RANBP2: variants seen among roughly 807,000 people sequenced by gnomAD.
RANBP2 encodes the protein E3 SUMO-protein ligase RanBP2.
Under a neutral mutation model 303.6 loss-of-function variants are expected in RANBP2, and 57 were observed. The ratio of observed to expected loss-of-function variants is 0.19; its 90% confidence interval spans 0.15 to 0.23. The LOEUF (loss-of-function observed/expected upper bound fraction) is 0.23. Ranked by LOEUF, RANBP2 falls within the 10% of genes least tolerant of loss-of-function variation. RANBP2 has a pLI of 1.00. For synonymous variants in RANBP2, 1,167 were observed against 1,301.5 expected, an observed-to-expected ratio of 0.90 and a Z score of 2.23; for missense variants, 3,138 against 3,780.8, an observed-to-expected ratio of 0.83 and a Z score of 4.46.
the RANBP2 span, among the ~76,000 whole-genome samples, chr2:109,199,117 T>C: frequency 9.2e-5 from 14 of 151,988 alleles, no homozygotes; most frequent in South Asian, 1.0e-3. Flanking sequence ...CCCAGCACTT[T>C]GGGAGGCTGA....
chr2:108,926,397 G>C, the RANBP2 span, among the ~76,000 whole-genome samples: 1 of 152,204 alleles, frequency 6.6e-6, no homozygotes, highest in Non-Finnish European at 1.5e-5. Context: ...TTTAAGGACT[G>C]ACTTTCTCTC....
At chr2:109,616,008 C>T in the RANBP2 span, 2 of 1,534,294 alleles carry the variant, frequency 1.3e-6, no homozygotes, top group East Asian at 2.3e-5. Context: ...GGGGGAGGAA[C>T]GACCTGTTAA....
chr2:109,634,953 A>G, the RANBP2 span, among the ~76,000 whole-genome samples: 4 of 152,218 alleles, frequency 2.6e-5, no homozygotes, highest in African/African-American at 7.2e-5. Context: ...TCTACCAGCA[A>G]TCATTCACAA....
At chr2:109,550,732 C>T in the RANBP2 span, among the ~76,000 whole-genome samples, 1 of 152,292 alleles carries the variant, frequency 6.6e-6, no homozygotes, top group Non-Finnish European at 1.5e-5. Context: ...GAAGTTAGAG[C>T]CCAGTCTTTG....
At chr2:109,006,179 A>ATTTTCT in the RANBP2 span, among the ~76,000 whole-genome samples, 19 of 151,890 alleles carry the variant, frequency 1.3e-4, no homozygotes, top group South Asian at 4.0e-3. Context: ...TTTGGGGGTA[A>ATTTTCT]TTTTCTTTTT....
chr2:109,196,966 G>C, the RANBP2 span, among the ~76,000 whole-genome samples: 3 of 152,224 alleles, frequency 2.0e-5, no homozygotes, highest in Non-Finnish European at 4.4e-5. Context: ...CCTGTGCTGG[G>C]CACTGGGAAC....
At chr2:109,377,020 G>A in the RANBP2 span, among the ~76,000 whole-genome samples, 4 of 152,376 alleles carry the variant, frequency 2.6e-5, no homozygotes, top group Admixed American at 6.5e-5. Context: ...AAGGAACAGA[G>A]AGCCGCTCAG....
At chr2:109,368,923 A>G in the RANBP2 span, among the ~76,000 whole-genome samples, 9 of 149,440 alleles carry the variant, frequency 6.0e-5, no homozygotes, top group Non-Finnish European at 1.3e-4. Flanking sequence ...AGCTGGGCCA[A>G]TCATGCCTTG....
chr2:108,779,701 A>G (rs1476436920), intron 25 of RANBP2, among the ~76,000 whole-genome samples: 1 of 152,184 alleles, frequency 6.6e-6, no homozygotes, highest in African/African-American at 2.4e-5. Flanking sequence ...ATCTAAATTG[A>G]GGTATGGGAT....
the RANBP2 span, among the ~76,000 whole-genome samples, chr2:108,861,472 C>CTTTTTTTTTTTT: frequency 4.4e-4 from 54 of 123,512 alleles, 10 homozygotes; most frequent in African/African-American, 1.7e-3. Flanking sequence ...AACTTTCTTC[C>CTTTTTTTTTTTT]TTTTTTTTTT....
chr2:109,722,063 T>C, the RANBP2 span, among the ~76,000 whole-genome samples: 1 of 152,134 alleles, frequency 6.6e-6, no homozygotes, highest in Admixed American at 6.6e-5. Flanking sequence ...TGTGTGTATG[T>C]GGAGTGGGGT....
At chr2:108,739,173 C>T (rs1354719415) in intron 6 of RANBP2, among the ~76,000 whole-genome samples, 1 of 151,776 alleles carries the variant, frequency 6.6e-6, no homozygotes, top group African/African-American at 2.4e-5. Context: ...GAGGCCGAGG[C>T]GGGTGGATCA....
At chr2:109,251,350 G>A in the RANBP2 span, 1 of 561,920 alleles carries the variant, frequency 1.8e-6, no homozygotes, top group Non-Finnish European at 3.3e-6. Context: ...AAGACACCCG[G>A]CCTGCCGCGG....
the RANBP2 span, among the ~76,000 whole-genome samples, chr2:109,453,619 C>T: frequency 6.6e-3 from 1,003 of 152,320 alleles, 13 homozygotes; most frequent in African/African-American, 0.023. Context: ...ATCCCTGACT[C>T]ATCTGTGTAT....
chr2:109,052,142 G>A, the RANBP2 span, among the ~76,000 whole-genome samples: 1 of 152,124 alleles, frequency 6.6e-6, no homozygotes, highest in Non-Finnish European at 1.5e-5. Flanking sequence ...AATGAAAGAA[G>A]GCATGTATAT....
the RANBP2 span, among the ~76,000 whole-genome samples, chr2:109,026,821 C>A: frequency 6.6e-6 from 1 of 152,192 alleles, no homozygotes; most frequent in Non-Finnish European, 1.5e-5. Flanking sequence ...AATCCCAGCA[C>A]TTTGGGAGGC....
chr2:109,615,635 G>A, the RANBP2 span: 1 of 1,613,686 alleles, frequency 6.2e-7, no homozygotes, highest in Non-Finnish European at 8.5e-7. Flanking sequence ...CCCAGTACCT[G>A]AGTCGGAGCA....
chr2:109,219,210 T>A, the RANBP2 span, among the ~76,000 whole-genome samples: 1 of 152,222 alleles, frequency 6.6e-6, no homozygotes, highest in Non-Finnish European at 1.5e-5. Context: ...ACTTGGGAGC[T>A]TCCATGAGAG....
chr2:108,873,734 T>A, the RANBP2 span: 2 of 554,704 alleles, frequency 3.6e-6, no homozygotes, highest in Non-Finnish European at 6.3e-6. Context: ...ACGCTAACAC[T>A]AACGATAGCT....
Sources: allele counts gnomAD v4.1 joint callset (sites outside exome capture counted in the v4.1 genomes callset), GRCh38; gene constraint gnomAD v4.1.1; transcripts MANE v1.5; gene names NCBI Gene and HGNC (gene_info 2026-07-23, HGNC 2026-07-21).